ASPRV1: variants seen among roughly 807,000 people sequenced by gnomAD.
The protein encoded by ASPRV1 is retroviral-like aspartic protease 1.
In ASPRV1, 7 loss-of-function variants were observed where a neutral mutation model predicts 11.0. The ratio of observed to expected loss-of-function variants is 0.64; its 90% CI spans 0.36 to 1.20. The LOEUF is 1.20. ASPRV1 is among the 50% of genes most tolerant of loss of function. ASPRV1 has a pLI of 0.02. For synonymous variants in ASPRV1, 136 were observed against 138.4 expected (o/e 0.98, Z 0.12); for missense variants, 299 against 320.0 (o/e 0.93, Z 0.50).
chr2:69,981,931 T>C, the ASPRV1 span, among the ~76,000 whole-genome samples: 1 of 152,156 alleles, frequency 6.6e-6, no homozygotes, highest in Non-Finnish European at 1.5e-5. Flanking sequence ...CAGGTCTATG[T>C]CGGCAGAGCA....
the ASPRV1 span, chr2:70,031,714 G>C: frequency 6.6e-6 from 1 of 151,990 alleles, no homozygotes; most frequent in Non-Finnish European, 1.5e-5. Flanking sequence ...AGAAAACCTG[G>C]GCTCATGTCA....
chr2:69,933,215 A>AC, the ASPRV1 span, among the ~76,000 whole-genome samples: 6 of 149,864 alleles, frequency 4.0e-5, no homozygotes, highest in Non-Finnish European at 8.9e-5. Flanking sequence ...AAAAAAAAAA[A>AC]AAAAAAAAAC....
At chr2:70,083,956 C>T in the ASPRV1 span, among the ~76,000 whole-genome samples, 1 of 152,140 alleles carries the variant, frequency 6.6e-6, no homozygotes, top group African/African-American at 2.4e-5. Context: ...GACCTCTTTG[C>T]CAGACCACAG....
At chr2:69,972,756 G>A in the ASPRV1 span, among the ~76,000 whole-genome samples, 2 of 151,988 alleles carry the variant, frequency 1.3e-5, no homozygotes, top group East Asian at 3.9e-4. Flanking sequence ...ACTCTACTCA[G>A]GCCAAACCTT....
At chr2:70,050,479 G>A in the ASPRV1 span, 1 of 151,926 alleles carries the variant, frequency 6.6e-6, no homozygotes, top group Non-Finnish European at 1.5e-5. Flanking sequence ...CATTGGTCTA[G>A]TAGCAGAAAA....
At chr2:69,955,619 T>A (rs1677919788), downstream of ASPRV1, among the ~76,000 whole-genome samples, 1 of 152,036 alleles carries the variant, frequency 6.6e-6, no homozygotes, top group Non-Finnish European at 1.5e-5. Context: ...GAGAAAGAAG[T>A]CACAAATCTC....
chr2:70,066,729 C>G, the ASPRV1 span, among the ~76,000 whole-genome samples: 6 of 152,226 alleles, frequency 3.9e-5, no homozygotes, highest in Admixed American at 1.3e-4. Context: ...TCCCAAGTAT[C>G]TGGGACCACA....
At chr2:70,012,880 T>G in the ASPRV1 span, among the ~76,000 whole-genome samples, 1 of 152,172 alleles carries the variant, frequency 6.6e-6, no homozygotes, top group Non-Finnish European at 1.5e-5. Context: ...ACTTGGGTAT[T>G]TGGCAAACAT....
chr2:70,082,148 T>A, the ASPRV1 span, among the ~76,000 whole-genome samples: 1 of 151,870 alleles, frequency 6.6e-6, no homozygotes, highest in African/African-American at 2.4e-5. Flanking sequence ...CTAATTTGTG[T>A]GTGTGTGTGT....
chr2:70,033,311 A>ACACG, the ASPRV1 span, among the ~76,000 whole-genome samples: 2 of 151,538 alleles, frequency 1.3e-5, no homozygotes, highest in Non-Finnish European at 1.5e-5. Flanking sequence ...ACACACACAC[A>ACACG]CACATATATG....
chr2:70,050,682 C>T, the ASPRV1 span: 2 of 152,132 alleles, frequency 1.3e-5, no homozygotes, highest in Non-Finnish European at 2.9e-5. Flanking sequence ...AGGTGCAGTG[C>T]TTCACACCTG....
chr2:69,957,669 A>G (rs1413195813), downstream of ASPRV1, among the ~76,000 whole-genome samples: 3 of 151,842 alleles, frequency 2.0e-5, no homozygotes, highest in East Asian at 3.9e-4. Context: ...TGTATTCCCA[A>G]CAGGCTCGCA....
chr2:69,958,177 G>T (rs560986199), downstream of ASPRV1, among the ~76,000 whole-genome samples: 1 of 152,278 alleles, frequency 6.6e-6, no homozygotes, highest in Non-Finnish European at 1.5e-5. Flanking sequence ...CCACGTTGAC[G>T]CATCTGCAGC....
the ASPRV1 span, chr2:70,068,983 C>T: frequency 1.3e-5 from 2 of 148,530 alleles, no homozygotes; most frequent in African/African-American, 5.0e-5. Flanking sequence ...TTTCCTTCGT[C>T]AGTAAACCAA....
the ASPRV1 span, among the ~76,000 whole-genome samples, chr2:69,948,746 C>T: frequency 1.3e-5 from 2 of 152,258 alleles, no homozygotes; most frequent in East Asian, 1.9e-4. Context: ...CGGAAGCCTC[C>T]GAGGTCCTCT....
At chr2:69,979,678 C>T in the ASPRV1 span, among the ~76,000 whole-genome samples, 1 of 152,146 alleles carries the variant, frequency 6.6e-6, no homozygotes. Flanking sequence ...GGGCAACCTC[C>T]TGGATTCTTG....
the ASPRV1 span, among the ~76,000 whole-genome samples, chr2:70,079,318 A>T: frequency 1.3e-4 from 20 of 152,272 alleles, no homozygotes; most frequent in East Asian, 1.9e-4. Context: ...ACAAAAAAAA[A>T]AATAATAAAT....
the ASPRV1 span, among the ~76,000 whole-genome samples, chr2:69,982,533 G>A: frequency 0.037 from 5,574 of 152,276 alleles, 344 homozygotes; most frequent in African/African-American, 0.13. Context: ...GGCCATATGG[G>A]TAGCTGAAAG....
At position 69,960,954 on chromosome 2, in the gene ASPRV1, C is replaced by T; in HGVS notation, c.483G>A (p.Val161=). The T allele has an allele frequency of 6.2e-7, 1 of 1,614,100 alleles. No homozygotes were observed. The highest frequency in any genetic ancestry group is 8.5e-7 in the Non-Finnish European group (1 of 1,180,018). The change falls in exon 1 of 1, where the codon GTG becomes GTA. Residue 161 remains valine, a synonymous_variant. Transcript: ENST00000320256. ...TLQPFENVVK[V]ANGAEMKILG... is the part of the protein sequence containing the mutation. Reference sequence around the variant, plus strand: ...GGATCTTCATTTCAGCACCATTGGCCACCTTTACCACATTCTCAAAGGGCT... The same window carrying T: ...GGATCTTCATTTCAGCACCATTGGCTACCTTTACCACATTCTCAAAGGGCT...
Sources: gnomAD v4.1 joint callset for allele counts (sites outside exome capture counted in the v4.1 genomes callset) on GRCh38, gnomAD v4.1.1 for gene constraint, MANE v1.5 for transcripts, NCBI Gene and HGNC (gene_info 2026-07-23, HGNC 2026-07-21) for gene names.